The following LRP1B variants were observed in gnomAD, a reference collection of about 807,000 sequenced individuals.
LRP1B encodes the protein low-density lipoprotein receptor-related protein 1B.
A neutral mutation model predicts 556.6 loss-of-function variants in LRP1B; 217 were observed. That is an observed-to-expected ratio of 0.39 (90% confidence interval 0.35 to 0.44). The LOEUF (loss-of-function observed/expected upper bound fraction) is 0.44, where lower values mean the gene tolerates loss of function less well. LRP1B is among the 20% of genes least tolerant of loss of function. LRP1B has a pLI of 1.00. For missense variants in LRP1B, 5,053 were observed against 5,620.8 expected (o/e 0.90, Z 3.23); for synonymous variants, 2,047 against 1,865.8 (o/e 1.10, Z -2.50).
chr2:140,627,802 T>C (rs1432881488), intron 41 of LRP1B, among the ~76,000 whole-genome samples: 1 of 152,178 alleles, frequency 6.6e-6, no homozygotes, highest in Non-Finnish European at 1.5e-5. Flanking sequence ...ATGAAATTGG[T>C]ATCTGTAAGA....
chr2:140,619,962 T>C (rs1479630706), intron 41 of LRP1B, among the ~76,000 whole-genome samples: 1 of 152,226 alleles, frequency 6.6e-6, no homozygotes, highest in East Asian at 1.9e-4. Flanking sequence ...TTAAACATCA[T>C]ATTTTTTCTA....
intron 87 of LRP1B, among the ~76,000 whole-genome samples, chr2:140,241,961 TA>T (rs35482045): frequency 6.7e-6 from 1 of 150,354 alleles, no homozygotes; most frequent in South Asian, 2.1e-4. Flanking sequence ...AAGTTTCTCA[TA>T]AAAAAAATAG....
At chr2:141,436,828 T>C (rs1476855743) in intron 3 of LRP1B, among the ~76,000 whole-genome samples, 2 of 152,152 alleles carry the variant, frequency 1.3e-5, no homozygotes, top group African/African-American at 4.8e-5. Context: ...CAGCATTTCA[T>C]ATTGAATAAT....
At chr2:140,244,127 T>A (rs943984377) in intron 87 of LRP1B, among the ~76,000 whole-genome samples, 1 of 151,324 alleles carries the variant, frequency 6.6e-6, no homozygotes. Flanking sequence ...ACTTGACACT[T>A]AGCAGAGACT....
At position 141,619,786 on chromosome 2, in the gene LRP1B, G is replaced by A. The variant is rs545044792; in HGVS notation, c.206-139253C>T. Among the ~76,000 whole-genome samples the A allele has an allele frequency of 6.0e-5, 9 of 149,204 alleles. No individual in the cohort carries two copies. The South Asian group carries it at 1.8e-3, about 30-fold the overall frequency. ...TGAGATGAAATTGGCAGAACACAGA[G>A]GTACAGCTTTTATTTATCTCTTAAG... is the stretch of plus-strand genomic sequence containing the variant. On this transcript the variant is annotated intron_variant, in intron 2 of 90. Transcript: ENST00000389484.
intron 32 of LRP1B, among the ~76,000 whole-genome samples, chr2:140,802,533 T>C (rs1028280662): frequency 1.3e-5 from 2 of 152,122 alleles, no homozygotes; most frequent in African/African-American, 4.8e-5. Flanking sequence ...TTCAGAAAAA[T>C]CAAGCCATCA....
Position 141,478,736 on chromosome 2 carries a change from G to T in LRP1B, c.343+1660C>A, listed in dbSNP as rs1682807265. On this transcript the variant is annotated intron_variant, in intron 3 of 90. Coordinates refer to ENST00000389484, the MANE Select transcript of LRP1B (RefSeq NM_018557.3). The stretch of plus-strand genomic sequence containing the variant: ...TTTTTTGTTTTTTTAATAGAGACAG[G>T]GTTTCATCACGTTGGCCATGCTGGT... Among the ~76,000 whole-genome samples, 8 of 151,902 alleles carry T rather than the reference G, an allele frequency of 5.3e-5. 1 individual carries two copies. The highest frequency in any genetic ancestry group is 5.3e-4 in the Admixed American group (8 of 15,234).
chr2:140,783,444 A>T (rs974503814), intron 32 of LRP1B, among the ~76,000 whole-genome samples: 1 of 152,160 alleles, frequency 6.6e-6, no homozygotes, highest in Admixed American at 6.5e-5. Flanking sequence ...GACCAATTTT[A>T]TCTCTTCTCT....
At chr2:140,945,086 T>C (rs183597026) in intron 20 of LRP1B, among the ~76,000 whole-genome samples, 6 of 152,134 alleles carry the variant, frequency 3.9e-5, no homozygotes, top group Non-Finnish European at 8.8e-5. Flanking sequence ...CAAACATTAG[T>C]AGCATTTTTA....
At chr2:141,170,426 G>T (rs1245090824) in intron 7 of LRP1B, among the ~76,000 whole-genome samples, 1 of 152,060 alleles carries the variant, frequency 6.6e-6, no homozygotes, top group Non-Finnish European at 1.5e-5. Flanking sequence ...GACTTCAGTA[G>T]TGAGAAAAAG....
intron 53 of LRP1B, among the ~76,000 whole-genome samples, chr2:140,506,321 T>C (rs1309201468): frequency 6.8e-6 from 1 of 147,670 alleles, no homozygotes; most frequent in African/African-American, 2.5e-5. Context: ...CTCGGCTCAC[T>C]GCGACCTCTA....
chr2:141,083,359 G>A (rs1354047363), intron 7 of LRP1B, among the ~76,000 whole-genome samples: 1 of 150,080 alleles, frequency 6.7e-6, no homozygotes, highest in African/African-American at 2.5e-5. Flanking sequence ...AATGAATGGA[G>A]GTAAAATGAA....
intron 1 of LRP1B, among the ~76,000 whole-genome samples, chr2:142,117,303 C>G (rs1261013265): frequency 6.6e-6 from 1 of 152,104 alleles, no homozygotes; most frequent in Non-Finnish European, 1.5e-5. Flanking sequence ...TTCTGCTTTA[C>G]GTTTAGCAAG....
At chr2:140,715,201 T>C (rs1164106604) in intron 37 of LRP1B, among the ~76,000 whole-genome samples, 5 of 152,088 alleles carry the variant, frequency 3.3e-5, no homozygotes, top group African/African-American at 9.7e-5. Flanking sequence ...CTTTGGACTT[T>C]ACACATAAAG....
chr2:140,365,954 C>T (rs958464035), intron 71 of LRP1B, among the ~76,000 whole-genome samples: 1 of 151,658 alleles, frequency 6.6e-6, no homozygotes, highest in African/African-American at 2.4e-5. Flanking sequence ...ATAATGTGCC[C>T]GAACTTGTGA....
chr2:141,900,061 G>A (rs1203422004), intron 1 of LRP1B, among the ~76,000 whole-genome samples: 1 of 152,032 alleles, frequency 6.6e-6, no homozygotes, highest in Non-Finnish European at 1.5e-5. Flanking sequence ...ATAGTTTCCT[G>A]TCTCAAGTGC....
In LRP1B at chr2:140,686,113, G is replaced by GTAAA. The variant is rs1686042676; in HGVS notation, c.6799+14136_6799+14137insTTTA. Among the ~76,000 whole-genome samples, 4 of 152,236 alleles carry GTAAA rather than the reference G, an allele frequency of 2.6e-5. No homozygotes were observed. In the South Asian group the frequency reaches 8.3e-4, roughly 32 times the overall value. ...GATTAGTTACAGGAGTAAACATGTG[G>GTAAA]TTAAGAAAGAACATGTTTTTAAGAT... On this transcript the variant is annotated intron_variant, in intron 41 of 90. Transcript: ENST00000389484.
chr2:142,071,528 G>A (rs570572804), intron 1 of LRP1B, among the ~76,000 whole-genome samples: 2 of 152,056 alleles, frequency 1.3e-5, no homozygotes, highest in South Asian at 4.2e-4. Context: ...GTAATATGTG[G>A]AAATTACATG....
chr2:141,969,981 G>A (rs2105072940), intron 1 of LRP1B, among the ~76,000 whole-genome samples: 1 of 151,444 alleles, frequency 6.6e-6, no homozygotes, highest in African/African-American at 2.4e-5. Context: ...TGTTACATGT[G>A]TGAGCTGATA....
Sources: allele counts gnomAD v4.1 joint callset (sites outside exome capture counted in the v4.1 genomes callset), GRCh38; gene constraint gnomAD v4.1.1; transcripts MANE v1.5; gene names NCBI Gene and HGNC (gene_info 2026-07-23, HGNC 2026-07-21).